Variants in ZNF608 observed in about 807,000 individuals in gnomAD.
ZNF608 encodes the protein zinc finger protein 608, also known as renal carcinoma antigen NY-REN-36.
Under a neutral mutation model 109.0 loss-of-function variants are expected in ZNF608, and 12 were observed. That is an observed-to-expected ratio of 0.11 (90% CI 0.07 to 0.18). The LOEUF is 0.18. Ranked by LOEUF, ZNF608 falls within the 10% of genes least tolerant of loss-of-function variation. The pLI is 1.00. For synonymous variants in ZNF608, 732 were observed against 717.4 expected (o/e 1.02, Z -0.33); for missense variants, 1,707 against 1,879.3 (o/e 0.91, Z 1.70).
chr5:124,692,026 T>C (rs1361275374), intron 3 of ZNF608, among the ~76,000 whole-genome samples: 1 of 152,192 alleles, frequency 6.6e-6, no homozygotes, highest in Non-Finnish European at 1.5e-5. Flanking sequence ...TCTCCTAAAA[T>C]GGCATGTATT....
At chr5:124,652,745 A>C (rs773506940) in intron 3 of ZNF608, among the ~76,000 whole-genome samples, 2 of 152,250 alleles carry the variant, frequency 1.3e-5, no homozygotes, top group African/African-American at 2.4e-5. Flanking sequence ...CTGAAATCTC[A>C]AAATCTTGAA....
intron 3 of ZNF608, among the ~76,000 whole-genome samples, chr5:124,651,765 T>TG (rs974490623): frequency 6.6e-6 from 1 of 152,370 alleles, no homozygotes; most frequent in Admixed American, 6.5e-5. Flanking sequence ...CACTCGCGTC[T>TG]GATTGGCTGG....
upstream of ZNF608, among the ~76,000 whole-genome samples, chr5:124,747,848 G>A (rs567261500): frequency 1.0e-3 from 152 of 152,316 alleles, 2 homozygotes; most frequent in African/African-American, 3.5e-3. Context: ...GGGGGAGGGA[G>A]AAGGGTATCT....
At chr5:124,674,546 T>C (rs774525778) in intron 3 of ZNF608, among the ~76,000 whole-genome samples, 2 of 152,230 alleles carry the variant, frequency 1.3e-5, no homozygotes, top group Admixed American at 6.5e-5. Flanking sequence ...AATCAATTAA[T>C]TCAGAATATT....
In ZNF608 at chr5:124,648,680, G is replaced by A. The variant is rs535180532; in HGVS notation, c.1704C>T (p.Asn568=). ...PNCNKKYKHI[N]GLRYHQAHAH... The stretch of plus-strand genomic sequence containing the variant: ...CATGAGCCTGGTGGTACCTCAGGCC[G>A]TTAATGTGCTTGTACTTTTTGTTGC... The change falls in exon 5 of 10, where the codon AAC becomes AAT. Residue 568 remains asparagine, a synonymous_variant. Coordinates refer to ENST00000513986, the MANE Select transcript of ZNF608 (RefSeq NM_020747.3). The A allele has an allele frequency of 3.4e-5, 55 of 1,614,228 alleles. No individual in the cohort carries two copies. The African/African-American group carries it at 4.7e-4, about 14-fold the overall frequency.
intron 3 of ZNF608, among the ~76,000 whole-genome samples, chr5:124,670,542 A>T (rs1411356252): frequency 6.6e-6 from 1 of 152,170 alleles, no homozygotes; most frequent in African/African-American, 2.4e-5. Context: ...ATAGGCGTGG[A>T]TCCTCTGCCA....
At chr5:124,682,595 A>G (rs1752242355) in intron 3 of ZNF608, among the ~76,000 whole-genome samples, 1 of 152,244 alleles carries the variant, frequency 6.6e-6, no homozygotes, top group African/African-American at 2.4e-5. Flanking sequence ...AGACTATCCC[A>G]AAAGATAAAA....
At chr5:124,740,698 C>T (rs1388962210) in intron 2 of ZNF608, among the ~76,000 whole-genome samples, 1 of 152,076 alleles carries the variant, frequency 6.6e-6, no homozygotes, top group African/African-American at 2.4e-5. Context: ...CCTTTATGAC[C>T]AGGGCCATCT....
intron 2 of ZNF608, among the ~76,000 whole-genome samples, chr5:124,724,517 A>G (rs1280018144): frequency 2.1e-5 from 3 of 141,882 alleles, no homozygotes; most frequent in Non-Finnish European, 4.6e-5. Context: ...AAAAAAAAAG[A>G]CTGGCATTTC....
intron 2 of ZNF608, 134 bp downstream of exon 2, chr5:124,743,950 A>G (rs1749529087): frequency 1.5e-6 from 2 of 1,293,832 alleles, no homozygotes; most frequent in Non-Finnish European, 2.1e-6. Context: ...TTTAATATAA[A>G]GGATGCATAT....
rs76109763 is a variant in ZNF608, at chr5:124,698,263, A to G, written c.1162+2751T>C. ...GGTTTAATTTTTAAATTGGTACAAG[A>G]GCTTTAAACACACTATAGTGAGAAA... is the stretch of plus-strand genomic sequence containing the variant. On this transcript the variant is annotated intron_variant, in intron 3 of 9. Transcript: ENST00000513986. Among the ~76,000 whole-genome samples, 212 of 152,360 alleles carry G rather than the reference A, an allele frequency of 1.4e-3. 3 individuals are homozygous for G. In the South Asian group the frequency reaches 0.032, roughly 23 times the overall value.
At chr5:124,739,823 C>T (rs1749307457) in intron 2 of ZNF608, among the ~76,000 whole-genome samples, 1 of 152,166 alleles carries the variant, frequency 6.6e-6, no homozygotes, top group Non-Finnish European at 1.5e-5. Context: ...ACGCTGAAAA[C>T]GAAGAACAGA....
In ZNF608 at chr5:124,646,716, T is replaced by G; in HGVS notation, c.3668A>C (p.Lys1223Thr). The G allele has an allele frequency of 2.5e-6, 4 of 1,614,202 alleles. No individual in the cohort carries two copies. The highest frequency in any genetic ancestry group is 3.4e-6 in the Non-Finnish European group (4 of 1,180,030). ...CGAGGTTGGGTCTACACCTGTCTGC[T>G]TCATAGAGTCCATGACAGACTTCAT... ...VEMKSVMDSM[K>T]QTGVDPTSRF... Residue 1223 changes from lysine to threonine, a missense_variant, in exon 5 of 10, where the codon AAG (lysine) becomes ACG (threonine). Transcript: ENST00000513986.
intron 3 of ZNF608, among the ~76,000 whole-genome samples, chr5:124,699,923 G>A (rs1050030560): frequency 1.3e-5 from 2 of 151,678 alleles, no homozygotes; most frequent in Admixed American, 1.3e-4. Flanking sequence ...TTTGAGTTTC[G>A]GCCCTCAGTT....
chr5:124,650,544 C>G (rs1393378156), intron 3 of ZNF608, among the ~76,000 whole-genome samples: 1 of 152,242 alleles, frequency 6.6e-6, no homozygotes, highest in Non-Finnish European at 1.5e-5. Flanking sequence ...TTTAATTTAG[C>G]ACTGCATCTG....
At chr5:124,684,200 C>T (rs1752311450) in intron 3 of ZNF608, among the ~76,000 whole-genome samples, 1 of 152,226 alleles carries the variant, frequency 6.6e-6, no homozygotes. Flanking sequence ...ACGATGCTGG[C>T]ATGAAGAGCA....
intron 3 of ZNF608, among the ~76,000 whole-genome samples, chr5:124,664,256 G>A (rs1580572636): frequency 6.6e-6 from 1 of 152,244 alleles, no homozygotes; most frequent in East Asian, 1.9e-4. Flanking sequence ...TTTAAGTCTT[G>A]AGTTAATAAA....
intron 3 of ZNF608, among the ~76,000 whole-genome samples, chr5:124,699,132 T>G (rs1175004438): frequency 6.6e-6 from 1 of 152,212 alleles, no homozygotes; most frequent in Non-Finnish European, 1.5e-5. Flanking sequence ...CCTGAAAATG[T>G]GCACCTAAAC....
chr5:124,682,132 G>C (rs1281134488), intron 3 of ZNF608, among the ~76,000 whole-genome samples: 1 of 152,134 alleles, frequency 6.6e-6, no homozygotes, highest in Non-Finnish European at 1.5e-5. Context: ...GAGTGCAATG[G>C]TGCAATCTCC....
Sources: allele counts gnomAD v4.1 joint callset (sites outside exome capture counted in the v4.1 genomes callset), GRCh38; gene constraint gnomAD v4.1.1; transcripts MANE v1.5; gene names NCBI Gene and HGNC (gene_info 2026-07-23, HGNC 2026-07-21).